Variants in HTR1F observed in about 807,000 individuals in gnomAD.
The protein encoded by HTR1F is 5-hydroxytryptamine receptor 1F.
HTR1F carries 17 observed loss-of-function variants against 24.0 expected under a neutral mutation model. That is an observed-to-expected ratio of 0.71 (90% CI 0.48 to 1.06). The LOEUF (loss-of-function observed/expected upper bound fraction) is 1.06. HTR1F is among the 50% of genes least tolerant of loss of function. The pLI, the probability that HTR1F is intolerant of heterozygous loss-of-function variation, is 0.00. For synonymous variants in HTR1F, 186 were observed against 156.8 expected (o/e 1.19, Z -1.39); for missense variants, 391 against 427.8 (o/e 0.91, Z 0.76).
At chr3:87,985,602 T>C (rs1705646579) in intron 2 of HTR1F, among the ~76,000 whole-genome samples, 1 of 152,222 alleles carries the variant, frequency 6.6e-6, no homozygotes. Context: ...AAGCACTTAG[T>C]ACATTGCATG....
chr3:87,907,146 C>G (rs574453839), intron 2 of HTR1F, among the ~76,000 whole-genome samples: 1 of 151,946 alleles, frequency 6.6e-6, no homozygotes, highest in South Asian at 2.1e-4. Flanking sequence ...AGTTTACATT[C>G]CCACCAACAT....
At chr3:87,826,610 A>T (rs564543103) in intron 2 of HTR1F, among the ~76,000 whole-genome samples, 2 of 152,186 alleles carry the variant, frequency 1.3e-5, no homozygotes, top group African/African-American at 4.8e-5. Context: ...TTCATCTCAG[A>T]AAGTAGGTGT....
At chr3:87,878,692 CACAG>C (rs1705723193) in intron 2 of HTR1F, among the ~76,000 whole-genome samples, 1 of 151,838 alleles carries the variant, frequency 6.6e-6, no homozygotes, top group Non-Finnish European at 1.5e-5. Flanking sequence ...AACACACACA[CACAG>C]ATTTTTTTTT....
intron 1 of HTR1F, among the ~76,000 whole-genome samples, chr3:87,807,054 A>C (rs2107085536): frequency 6.6e-6 from 1 of 151,988 alleles, no homozygotes; most frequent in Non-Finnish European, 1.5e-5. Flanking sequence ...TTGAGTTTCA[A>C]GTAGCGTGGT....
chr3:87,886,191 C>G (rs1325173340), intron 2 of HTR1F, among the ~76,000 whole-genome samples: 4 of 152,142 alleles, frequency 2.6e-5, no homozygotes, highest in Non-Finnish European at 5.9e-5. Flanking sequence ...TCAACATTCA[C>G]AAATCAATAA....
intron 2 of HTR1F, among the ~76,000 whole-genome samples, chr3:87,875,619 C>T (rs762682144): frequency 6.6e-6 from 1 of 151,756 alleles, no homozygotes; most frequent in African/African-American, 2.4e-5. Flanking sequence ...AATCAAATAA[C>T]CTAATTAAGA....
At chr3:87,897,538 G>T (rs1706227926) in intron 2 of HTR1F, among the ~76,000 whole-genome samples, 1 of 151,948 alleles carries the variant, frequency 6.6e-6, no homozygotes, top group Admixed American at 6.6e-5. Flanking sequence ...GAAAATATTA[G>T]CTTATTCGTT....
rs932685297 is a variant in HTR1F at position 87,993,612 on chromosome 3, C to G, written c.*1762C>G. On this transcript the variant is annotated 3_prime_UTR_variant, in exon 3 of 3. Transcript: ENST00000319595. ...GGTTGTGACAACATCAGGATACAAA[C>G]TGCACCATGCAAGTATTTGGTGGGG... The G allele has an allele frequency of 3.6e-5, 6 of 167,004 alleles. No individual in the cohort carries two copies. Among genetic ancestry groups the G allele is most frequent in the Non-Finnish European group, 8.8e-5 (6 of 68,118 alleles). 10.3% of individuals were successfully genotyped at this position (167,004 alleles called of 1,614,324 possible).
chr3:87,948,487 GC>G (rs573495751), intron 2 of HTR1F, among the ~76,000 whole-genome samples: 7 of 150,484 alleles, frequency 4.7e-5, no homozygotes, highest in Non-Finnish European at 5.9e-5. Context: ...TTTTTTATAT[GC>G]TTTTTTTTTT....
intron 2 of HTR1F, among the ~76,000 whole-genome samples, chr3:87,955,175 C>G (rs1243179083): frequency 6.6e-6 from 1 of 151,406 alleles, no homozygotes; most frequent in Non-Finnish European, 1.5e-5. Context: ...TTCAAACCAC[C>G]TTTAAGAGAC....
At chr3:87,885,302 A>G (rs1705910584) in intron 2 of HTR1F, among the ~76,000 whole-genome samples, 1 of 152,180 alleles carries the variant, frequency 6.6e-6, no homozygotes, top group African/African-American at 2.4e-5. Context: ...ATGAGAAAAA[A>G]AGACACAACG....
intron 2 of HTR1F, among the ~76,000 whole-genome samples, chr3:87,848,695 T>C (rs1034551265): frequency 7.9e-5 from 12 of 151,838 alleles, no homozygotes; most frequent in African/African-American, 9.7e-5. Context: ...CATGATTGTG[T>C]ATCTAGAAAA....
intron 2 of HTR1F, among the ~76,000 whole-genome samples, chr3:87,951,368 T>C (rs1198825782): frequency 6.6e-6 from 1 of 152,136 alleles, no homozygotes; most frequent in East Asian, 1.9e-4. Flanking sequence ...TCCTATGAGG[T>C]CAATACCATT....
intron 2 of HTR1F, among the ~76,000 whole-genome samples, chr3:87,936,102 G>A (rs1193617597): frequency 2.0e-5 from 3 of 152,068 alleles, no homozygotes; most frequent in African/African-American, 7.2e-5. Flanking sequence ...CTCCCACCTT[G>A]GCCTCCCAAA....
At chr3:87,865,304 ATATT>A (rs1028313002) in intron 2 of HTR1F, among the ~76,000 whole-genome samples, 6 of 152,120 alleles carry the variant, frequency 3.9e-5, no homozygotes, top group African/African-American at 9.7e-5. Flanking sequence ...TTTTAGGAAA[ATATT>A]TTTATTGAAA....
intron 2 of HTR1F, among the ~76,000 whole-genome samples, chr3:87,836,154 C>T (rs1704678381): frequency 6.6e-6 from 1 of 152,158 alleles, no homozygotes; most frequent in Non-Finnish European, 1.5e-5. Flanking sequence ...TGTTCAGCTT[C>T]CTTCAGGGAA....
At chr3:87,810,146 AAT>A (rs1704136987) in intron 1 of HTR1F, among the ~76,000 whole-genome samples, 2 of 151,976 alleles carry the variant, frequency 1.3e-5, no homozygotes, top group Non-Finnish European at 2.9e-5. Context: ...TTTTGGAGAA[AAT>A]ATATGTTTAT....
chr3:87,876,708 C>T (rs562048006), intron 2 of HTR1F, among the ~76,000 whole-genome samples: 2 of 152,176 alleles, frequency 1.3e-5, no homozygotes, highest in South Asian at 4.1e-4. Context: ...ATTTATTGTT[C>T]GGTGGATATA....
At chr3:87,879,339 A>G (rs954041317) in intron 2 of HTR1F, among the ~76,000 whole-genome samples, 7 of 152,232 alleles carry the variant, frequency 4.6e-5, no homozygotes, top group African/African-American at 1.7e-4. Context: ...CTTGTACAAT[A>G]TAAGTCTTAG....
Sources: gnomAD v4.1 joint callset for allele counts (sites outside exome capture counted in the v4.1 genomes callset) on GRCh38, gnomAD v4.1.1 for gene constraint, MANE v1.5 for transcripts, NCBI Gene and HGNC (gene_info 2026-07-23, HGNC 2026-07-21) for gene names.